The following COMMD10 variants were observed in gnomAD, a reference collection of about 807,000 sequenced individuals.
The protein encoded by COMMD10 is COMM domain-containing protein 10.
In COMMD10, 33 loss-of-function variants were observed where a neutral mutation model predicts 28.9. That is an observed-to-expected ratio of 1.14 (90% CI 0.87 to 1.53). The LOEUF (loss-of-function observed/expected upper bound fraction) is 1.53. COMMD10 is among the 40% of genes most tolerant of loss of function. The pLI is 0.00. For missense variants in COMMD10, 310 were observed against 233.4 expected (o/e 1.33, Z -2.14); for synonymous variants, 110 against 81.7 (o/e 1.35, Z -1.87).
intron 5 of COMMD10, among the ~76,000 whole-genome samples, chr5:116,247,470 T>A (rs1352950945): frequency 6.6e-6 from 1 of 152,092 alleles, no homozygotes; most frequent in Non-Finnish European, 1.5e-5. Flanking sequence ...TTGCTGGGTA[T>A]ATACCCAAAG....
Position 116,292,663 on chromosome 5 carries a change from G to A in COMMD10, c.*174G>A. 1 of 448,224 alleles carries A rather than the reference G, an allele frequency of 2.2e-6. No homozygotes were observed. The highest frequency in any genetic ancestry group is 4.0e-6 in the Non-Finnish European group (1 of 253,096). The allele number at this position is 448,224 out of a possible 1,614,324, so 27.8% of individuals were successfully genotyped here. A position where few individuals can be genotyped will look rare whatever the true frequency, so the allele number is the denominator to read the frequency against. On this transcript the variant is annotated 3_prime_UTR_variant, in exon 7 of 7. Transcript: ENST00000274458. ...AATAGAGATCATTGTTAAGAATACT[G>A]AGGTTCTAATATACTTTCTTTAGTT...
intron 5 of COMMD10, among the ~76,000 whole-genome samples, chr5:116,209,335 G>A (rs1482404622): frequency 6.6e-6 from 1 of 152,110 alleles, no homozygotes; most frequent in African/African-American, 2.4e-5. Flanking sequence ...GAACAGAAAA[G>A]ATTATCTTAA....
At chr5:116,209,928 A>AAT (rs1748914984) in intron 5 of COMMD10, among the ~76,000 whole-genome samples, 1 of 152,168 alleles carries the variant, frequency 6.6e-6, no homozygotes, top group Non-Finnish European at 1.5e-5. Context: ...AATTGTAAAG[A>AAT]ATAGAGATTT....
chr5:116,102,102 CCTTTT>C (rs1188900393), intron 4 of COMMD10, among the ~76,000 whole-genome samples: 12 of 152,032 alleles, frequency 7.9e-5, no homozygotes, highest in African/African-American at 2.4e-4. Flanking sequence ...TGTTTTCTGT[CCTTTT>C]AAGATCTTAG....
intron 5 of COMMD10, among the ~76,000 whole-genome samples, chr5:116,201,515 A>G (rs973568451): frequency 4.6e-5 from 7 of 152,122 alleles, no homozygotes; most frequent in African/African-American, 1.2e-4. Context: ...ATAAGTTACA[A>G]TTCTCTGTAT....
rs149835382 is a variant in COMMD10 at position 116,185,023 on chromosome 5, T to C, written c.510+50845T>C. The stretch of plus-strand genomic sequence containing the variant: ...ATTTTGAAAGAATAGAAGGCAGTTA[T>C]ACAAAATGTGTGATAAAAGTTTTGG... On this transcript the variant is annotated intron_variant, in intron 5 of 6. Transcript: ENST00000274458. Among the ~76,000 whole-genome samples, 235 of 152,252 alleles carry C rather than the reference T, an allele frequency of 1.5e-3. 2 individuals carry two copies. Among genetic ancestry groups the C allele is most frequent in the African/African-American group, 5.3e-3 (221 of 41,582 alleles).
rs1580468914 is a variant in COMMD10, at chr5:116,127,404, G to A, written c.400-6664G>A. On this transcript the variant is annotated intron_variant, in intron 4 of 6. Coordinates refer to ENST00000274458, the MANE Select transcript of COMMD10 (RefSeq NM_016144.4). ...AGATCTAGAACTAGAAATACCATGT[G>A]ACCCAGCCATCCCATTACTAGGTAT... Among the ~76,000 whole-genome samples, 3 of 152,246 alleles carry A rather than the reference G, an allele frequency of 2.0e-5. No individual in the cohort carries two copies. The South Asian group carries it at 6.2e-4, about 32-fold the overall frequency.
At chr5:116,230,436 G>T (rs868462336) in intron 5 of COMMD10, among the ~76,000 whole-genome samples, 9 of 151,834 alleles carry the variant, frequency 5.9e-5, no homozygotes, top group Non-Finnish European at 8.8e-5. Context: ...GCACTAGACT[G>T]GCTTCTTTGC....
intron 5 of COMMD10, among the ~76,000 whole-genome samples, chr5:116,219,181 G>A (rs938952433): frequency 2.6e-5 from 4 of 152,238 alleles, no homozygotes; most frequent in East Asian, 1.9e-4. Flanking sequence ...AAAGTCTGGA[G>A]GCTGTTGTTG....
At chr5:116,172,105 T>C (rs912290236) in intron 5 of COMMD10, among the ~76,000 whole-genome samples, 19 of 152,134 alleles carry the variant, frequency 1.2e-4, no homozygotes, top group African/African-American at 3.4e-4. Flanking sequence ...GCTGGAAAAA[T>C]ATATCTTTCA....
At chr5:116,215,274 TGTAA>T (rs1368231855) in intron 5 of COMMD10, among the ~76,000 whole-genome samples, 1 of 152,068 alleles carries the variant, frequency 6.6e-6, no homozygotes, top group African/African-American at 2.4e-5. Flanking sequence ...TTTATACAGA[TGTAA>T]GTATATAAAG....
At chr5:116,144,809 A>G (rs1274300154) in intron 5 of COMMD10, among the ~76,000 whole-genome samples, 2 of 151,916 alleles carry the variant, frequency 1.3e-5, no homozygotes, top group Non-Finnish European at 2.9e-5. Context: ...GTAGTGATAC[A>G]GGTAACTTTC....
chr5:116,154,862 G>A (rs1208725665), intron 5 of COMMD10, among the ~76,000 whole-genome samples: 1 of 151,898 alleles, frequency 6.6e-6, no homozygotes, highest in East Asian at 1.9e-4. Context: ...TAGTGCAAAA[G>A]GTAATAATCT....
chr5:116,223,822 C>G (rs1269936764), intron 5 of COMMD10, among the ~76,000 whole-genome samples: 1 of 152,168 alleles, frequency 6.6e-6, no homozygotes, highest in African/African-American at 2.4e-5. Context: ...AAAGGCAACA[C>G]TTGAAATTAC....
chr5:116,189,046 G>C (rs780072064), intron 5 of COMMD10, among the ~76,000 whole-genome samples: 4 of 152,110 alleles, frequency 2.6e-5, no homozygotes, highest in Non-Finnish European at 5.9e-5. Context: ...TTTATTGATG[G>C]CTCATTGTAT....
intron 4 of COMMD10, among the ~76,000 whole-genome samples, chr5:116,123,174 C>G (rs1447289822): frequency 6.6e-6 from 1 of 152,010 alleles, no homozygotes; most frequent in Non-Finnish European, 1.5e-5. Flanking sequence ...GGAATACCAT[C>G]AATACCTAGT....
At chr5:116,248,417 A>G (rs1580581141) in intron 5 of COMMD10, among the ~76,000 whole-genome samples, 2 of 152,040 alleles carry the variant, frequency 1.3e-5, no homozygotes, top group East Asian at 3.9e-4. Context: ...TGACAGAAAA[A>G]GAATTAAGGT....
intron 5 of COMMD10, among the ~76,000 whole-genome samples, chr5:116,277,586 G>T (rs184504165): frequency 1.3e-5 from 2 of 152,038 alleles, no homozygotes; most frequent in African/African-American, 4.8e-5. Context: ...AGTTTACAAT[G>T]GATTTTCAGT....
intron 5 of COMMD10, among the ~76,000 whole-genome samples, chr5:116,226,416 CT>C (rs34529275): frequency 0.11 from 15,377 of 137,964 alleles, 816 homozygotes; most frequent in African/African-American, 0.17. Context: ...TTGTACTTCC[CT>C]TTTTTTTTTT....
Sources: allele counts gnomAD v4.1 joint callset (sites outside exome capture counted in the v4.1 genomes callset), GRCh38; gene constraint gnomAD v4.1.1; transcripts MANE v1.5; gene names NCBI Gene and HGNC (gene_info 2026-07-23, HGNC 2026-07-21).